NEBL: variants seen among roughly 807,000 people sequenced by gnomAD.
NEBL encodes nebulette, also known as LIM and SH3 protein 2.
Under a neutral mutation model 140.2 loss-of-function variants are expected in NEBL, and 122 were observed. The observed-to-expected ratio is 0.87, with a 90% confidence interval of 0.75 to 1.01. NEBL has a LOEUF of 1.01. NEBL is among the 50% of genes least tolerant of loss of function. The pLI is 0.00. For missense variants in NEBL, 1,365 were observed against 1,231.3 expected (o/e 1.11, Z -1.62); for synonymous variants, 436 against 398.9 (o/e 1.09, Z -1.11).
chr10:21,172,885 G>A (rs1425393432), intron 1 of NEBL, among the ~76,000 whole-genome samples: 1 of 152,122 alleles, frequency 6.6e-6, no homozygotes, highest in Non-Finnish European at 1.5e-5. Flanking sequence ...GTGTTCACCC[G>A]AAGTCAGGCA....
intron 5 of NEBL, among the ~76,000 whole-genome samples, chr10:20,870,450 C>G (rs1260622731): frequency 6.6e-6 from 1 of 151,796 alleles, no homozygotes; most frequent in African/African-American, 2.4e-5. Flanking sequence ...GTCTTTGTAT[C>G]TAAGTGCATA....
At chr10:20,908,507 T>G (rs1356443145) in intron 4 of NEBL, among the ~76,000 whole-genome samples, 2 of 152,206 alleles carry the variant, frequency 1.3e-5, no homozygotes, top group African/African-American at 4.8e-5. Flanking sequence ...ATGAGGATCC[T>G]TGATCTAGCA....
chr10:20,934,302 A>C (rs1834361743), intron 4 of NEBL, among the ~76,000 whole-genome samples: 1 of 152,198 alleles, frequency 6.6e-6, no homozygotes, highest in Admixed American at 6.5e-5. Flanking sequence ...TCAGGAGCTG[A>C]AGGGATATAT....
rs146973913 is a variant in NEBL, at chr10:21,080,893, G to A, written c.165-60692C>T. Among the ~76,000 whole-genome samples the A allele has an allele frequency of 7.3e-3, 1,113 of 152,010 alleles. 10 individuals are homozygous for A. The highest frequency in any genetic ancestry group is 0.024 in the African/African-American group (977 of 41,454). ...TTTTTTGAGATGGAGTATCACTCTC[G>A]CCCAGGCTGGAGTGTGATGGCACAA... On this transcript the variant is annotated intron_variant, in intron 2 of 6. Transcript: ENST00000417816.
chr10:20,826,490 G>A lies in NEBL; in HGVS notation c.1826C>T (p.Pro609Leu). ...ATTTTTCTTCACTCGTTCGATCTCT[G>A]GGCTATCTTTCACTGCAGTGCCAGC... ...VGAGTAVKDS[P>L]EIERVKKNQQ... The change falls in exon 18 of 28, where the codon CCA becomes CTA. Residue 609 changes from proline (P) to leucine (L), a missense_variant. Pro to Leu is a moderately conservative substitution (Grantham distance 98). Transcript: ENST00000377122. 6.2e-7 allele frequency: 1 copy of A among 1,612,852 alleles called. No individual in the cohort carries two copies. The highest frequency in any genetic ancestry group is 8.5e-7 in the Non-Finnish European group (1 of 1,179,256).
intron 2 of NEBL, chr10:21,172,112 C>T: frequency 2.2e-6 from 1 of 460,892 alleles, no homozygotes; most frequent in South Asian, 2.4e-5. Flanking sequence ...AGTTCAGCAG[C>T]TTCTAATAAG....
intron 2 of NEBL, among the ~76,000 whole-genome samples, chr10:21,035,466 C>T (rs1198950012): frequency 2.0e-5 from 3 of 152,198 alleles, no homozygotes; most frequent in Non-Finnish European, 4.4e-5. Context: ...AAGCAAATCA[C>T]ACTTTCTTCC....
Position 20,850,441 on chromosome 10 carries a change from GTC to G in NEBL, c.1068_1069del (p.Glu356AspfsTer16). ...CTCCTTTGAAGCTTGATATGATGGTGTCTCAACAAATTCAAGCATTGGCTTTC... is the reference window on the plus strand; with the variant it reads ...CTCCTTTGAAGCTTGATATGATGGTGTCAACAAATTCAAGCATTGGCTTTC... On this transcript the variant is annotated frameshift_variant, in exon 11 of 28. Coordinates refer to ENST00000377122, the MANE Select transcript of NEBL (RefSeq NM_006393.3). LOFTEE classifies it high-confidence loss of function. 1.9e-6 allele frequency: 3 copies of G among 1,612,280 alleles called. No individual in the cohort carries two copies. The highest frequency in any genetic ancestry group is 2.5e-6 in the Non-Finnish European group (3 of 1,178,388).
chr10:20,883,953 T>C (rs1048251125), intron 4 of NEBL, among the ~76,000 whole-genome samples: 1 of 152,210 alleles, frequency 6.6e-6, no homozygotes, highest in African/African-American at 2.4e-5. Context: ...TGGAAAATTA[T>C]GTCAAGCTAA....
At position 21,271,338 on chromosome 10, in the gene NEBL, C is replaced by T. The variant is rs554929994; in HGVS notation, n.183-19510G>A. ...CTAAACAGGTTCTCAAGAAGTTGAACTCCTGGAAGTAGAGAGTAGAGAGGT... is the reference window on the plus strand; with the variant it reads ...CTAAACAGGTTCTCAAGAAGTTGAATTCCTGGAAGTAGAGAGTAGAGAGGT... On this transcript the variant is annotated intron_variant and non_coding_transcript_variant, in intron 1 of 8. Coordinates refer to the NEBL transcript ENST00000675702. Among the ~76,000 whole-genome samples, 3 of 152,246 alleles carry T rather than the reference C, an allele frequency of 2.0e-5. No individual in the cohort carries two copies. In the South Asian group the frequency reaches 6.2e-4, roughly 32 times the overall value.
intron 1 of NEBL, among the ~76,000 whole-genome samples, chr10:21,257,964 A>G (rs1455412696): frequency 1.3e-5 from 2 of 152,012 alleles, no homozygotes; most frequent in Non-Finnish European, 2.9e-5. Context: ...AATATCTTTA[A>G]GTCTAGATTA....
At chr10:21,044,870 TAGGGGAGG>T (rs1332606645) in intron 2 of NEBL, among the ~76,000 whole-genome samples, 1 of 152,154 alleles carries the variant, frequency 6.6e-6, no homozygotes, top group East Asian at 1.9e-4. Flanking sequence ...TATGTTTGTC[TAGGGGAGG>T]AGGAGAATTG....
chr10:21,222,284 C>CA (rs71509092), intron 3 of NEBL, among the ~76,000 whole-genome samples: 826 of 120,060 alleles, frequency 6.9e-3, no homozygotes, highest in African/African-American at 0.017. Flanking sequence ...CTGTCTCTAC[C>CA]AAAAAAAAAA....
At chr10:21,088,880 C>T (rs1836776384) in intron 2 of NEBL, among the ~76,000 whole-genome samples, 1 of 152,168 alleles carries the variant, frequency 6.6e-6, no homozygotes, top group Admixed American at 6.5e-5. Flanking sequence ...TCTAGAAGAG[C>T]TGGAGACTTT....
intron 2 of NEBL, among the ~76,000 whole-genome samples, chr10:21,054,614 T>C (rs1834929147): frequency 6.6e-6 from 1 of 152,252 alleles, no homozygotes; most frequent in Non-Finnish European, 1.5e-5. Context: ...AGTTTACATG[T>C]AAATTCTCTT....
intron 2 of NEBL, among the ~76,000 whole-genome samples, chr10:21,032,749 C>G (rs890623939): frequency 1.3e-5 from 2 of 152,104 alleles, no homozygotes; most frequent in African/African-American, 4.8e-5. Context: ...AATCCAAACC[C>G]CTGGCTCTCT....
At chr10:21,134,995 G>C (rs1221449497) in intron 2 of NEBL, among the ~76,000 whole-genome samples, 1 of 152,132 alleles carries the variant, frequency 6.6e-6, no homozygotes, top group East Asian at 1.9e-4. Context: ...GGATTATTCA[G>C]CTCGATTATT....
intron 2 of NEBL, among the ~76,000 whole-genome samples, chr10:21,112,548 T>C (rs1220706767): frequency 1.4e-5 from 2 of 146,732 alleles, no homozygotes; most frequent in East Asian, 2.0e-4. Context: ...ATGGGAACAC[T>C]TGGACACACG....
intron 4 of NEBL, among the ~76,000 whole-genome samples, chr10:20,939,832 CAAAG>C (rs1297958151): frequency 6.6e-6 from 1 of 152,056 alleles, no homozygotes; most frequent in African/African-American, 2.4e-5. Flanking sequence ...TCAAAAGAGA[CAAAG>C]AAGGCCATTA....
Sources: allele counts gnomAD v4.1 joint callset (sites outside exome capture counted in the v4.1 genomes callset), GRCh38; gene constraint gnomAD v4.1.1; transcripts MANE v1.5; gene names NCBI Gene and HGNC (gene_info 2026-07-23, HGNC 2026-07-21).